The following PPARGC1A variants were observed in gnomAD, a reference collection of about 807,000 sequenced individuals.
PPARGC1A encodes peroxisome proliferator-activated receptor gamma coactivator 1-alpha.
In PPARGC1A, 25 loss-of-function variants were observed where a neutral mutation model predicts 88.7. The observed-to-expected ratio is 0.28, with a 90% confidence interval of 0.21 to 0.39. The LOEUF (loss-of-function observed/expected upper bound fraction) is 0.39. Ranked by LOEUF, PPARGC1A falls within the 10% of genes least tolerant of loss-of-function variation. The pLI is 1.00. For missense variants in PPARGC1A, 880 were observed against 968.7 expected (o/e 0.91, Z 1.22); for synonymous variants, 363 against 355.6 (o/e 1.02, Z -0.24).
At chr4:24,323,304 G>A in the PPARGC1A span, among the ~76,000 whole-genome samples, 69,810 of 151,982 alleles carry the variant, frequency 0.46, 16,439 homozygotes, top group African/African-American at 0.54. Flanking sequence ...CTGAGCCCAA[G>A]CCAAGCCATC....
chr4:24,179,695 A>G, the PPARGC1A span, among the ~76,000 whole-genome samples: 1 of 152,172 alleles, frequency 6.6e-6, no homozygotes, highest in African/African-American at 2.4e-5. Flanking sequence ...CCACAGAATC[A>G]TGAGCTACAT....
At chr4:24,374,043 T>C in the PPARGC1A span, among the ~76,000 whole-genome samples, 8 of 152,188 alleles carry the variant, frequency 5.3e-5, no homozygotes. Flanking sequence ...AATCCAAAAA[T>C]ACATGAAACC....
At chr4:24,375,886 C>T in the PPARGC1A span, among the ~76,000 whole-genome samples, 3 of 152,052 alleles carry the variant, frequency 2.0e-5, no homozygotes, top group African/African-American at 7.2e-5. Context: ...CTTGGACAAA[C>T]AGGGGGTCCA....
the PPARGC1A span, among the ~76,000 whole-genome samples, chr4:24,045,177 C>G: frequency 6.6e-6 from 1 of 152,148 alleles, no homozygotes; most frequent in African/African-American, 2.4e-5. Context: ...GTGCAAGTTT[C>G]TTAATTCATC....
chr4:24,300,393 T>C, the PPARGC1A span, among the ~76,000 whole-genome samples: 5 of 138,544 alleles, frequency 3.6e-5, no homozygotes, highest in African/African-American at 1.3e-4. Context: ...TTACATGATA[T>C]AGGCATATTG....
At chr4:24,325,653 C>T in the PPARGC1A span, among the ~76,000 whole-genome samples, 1 of 152,340 alleles carries the variant, frequency 6.6e-6, no homozygotes, top group South Asian at 2.1e-4. Flanking sequence ...TGACCGACTC[C>T]TTCTCGGCTT....
chr4:24,074,160 T>A, the PPARGC1A span, among the ~76,000 whole-genome samples: 1 of 152,210 alleles, frequency 6.6e-6, no homozygotes, highest in Admixed American at 6.5e-5. Flanking sequence ...TGCTCTCACA[T>A]GAGGGAATGA....
the PPARGC1A span, among the ~76,000 whole-genome samples, chr4:24,003,628 T>G: frequency 6.6e-6 from 1 of 151,904 alleles, no homozygotes; most frequent in Non-Finnish European, 1.5e-5. Context: ...GACCCTGAAG[T>G]AGAAGTGAAT....
At chr4:23,883,358 C>A (rs1397960105) in intron 2 of PPARGC1A, 1 of 152,188 alleles carries the variant, frequency 6.6e-6, no homozygotes, top group Non-Finnish European at 1.5e-5. Flanking sequence ...TCCGTGCCAA[C>A]CAACACTGAA....
the PPARGC1A span, among the ~76,000 whole-genome samples, chr4:24,083,087 C>G: frequency 6.6e-6 from 1 of 152,134 alleles, no homozygotes; most frequent in Non-Finnish European, 1.5e-5. Flanking sequence ...TATATGGCCA[C>G]TTGATTTGAG....
intron 12 of PPARGC1A, 91 bp downstream of exon 12, chr4:23,801,639 G>T: frequency 7.3e-7 from 1 of 1,370,304 alleles, no homozygotes; most frequent in Non-Finnish European, 1.0e-6. Flanking sequence ...ATAAAGTGAT[G>T]GTTCAACCCA....
the PPARGC1A span, among the ~76,000 whole-genome samples, chr4:24,023,443 C>T: frequency 1.3e-5 from 2 of 152,154 alleles, no homozygotes; most frequent in Admixed American, 6.5e-5. Flanking sequence ...AAGACAGAGA[C>T]CAGTGGCCCC....
intron 1 of PPARGC1A, chr4:23,889,396 G>A (rs1371527923): frequency 3.1e-6 from 3 of 982,508 alleles, no homozygotes; most frequent in Non-Finnish European, 3.6e-6. Context: ...AAATAGCCCA[G>A]CAGGATTATT....
chr4:24,346,816 G>A, the PPARGC1A span, among the ~76,000 whole-genome samples: 1 of 151,932 alleles, frequency 6.6e-6, no homozygotes, highest in African/African-American at 2.4e-5. Flanking sequence ...TGCTGGGTTT[G>A]GGTTTGGTTT....
At chr4:24,404,091 G>A in the PPARGC1A span, among the ~76,000 whole-genome samples, 17 of 151,604 alleles carry the variant, frequency 1.1e-4, no homozygotes, top group Non-Finnish European at 2.1e-4. Flanking sequence ...GTGAAACCCT[G>A]TCTCTACTAA....
the PPARGC1A span, among the ~76,000 whole-genome samples, chr4:24,325,146 C>T: frequency 6.6e-6 from 1 of 152,296 alleles, no homozygotes; most frequent in African/African-American, 2.4e-5. Context: ...TATAAAAACC[C>T]AGCCCAGTTC....
intron 2 of PPARGC1A, among the ~76,000 whole-genome samples, chr4:23,840,798 T>C (rs958357767): frequency 5.9e-5 from 9 of 152,160 alleles, no homozygotes; most frequent in African/African-American, 2.2e-4. Context: ...CTTTTGTTGT[T>C]GTTGTTGTTA....
the PPARGC1A span, among the ~76,000 whole-genome samples, chr4:24,183,101 T>A: frequency 6.6e-6 from 1 of 152,128 alleles, no homozygotes; most frequent in Admixed American, 6.5e-5. Flanking sequence ...GAGGACCAGA[T>A]GGAAATAAGG....
At chr4:23,943,681 C>T in the PPARGC1A span, among the ~76,000 whole-genome samples, 2 of 152,100 alleles carry the variant, frequency 1.3e-5, no homozygotes, top group Non-Finnish European at 2.9e-5. Context: ...TCTAAAAGTA[C>T]CTTATGAAAT....
Sources: gnomAD v4.1 joint callset for allele counts (sites outside exome capture counted in the v4.1 genomes callset) on GRCh38, gnomAD v4.1.1 for gene constraint, MANE v1.5 for transcripts, NCBI Gene and HGNC (gene_info 2026-07-23, HGNC 2026-07-21) for gene names.